Variants in NLK observed in about 807,000 individuals in gnomAD.
The protein encoded by NLK is nemo like kinase, also known as serine/threonine-protein kinase NLK.
A neutral mutation model predicts 59.0 loss-of-function variants in NLK; 11 were observed. The observed-to-expected ratio is 0.19, with a 90% CI of 0.12 to 0.31. The LOEUF is 0.31. Among genes scored for constraint, NLK ranks in the 10% least tolerant of loss-of-function variants. The pLI is 1.00. For missense variants in NLK, 410 were observed against 661.1 expected, an observed-to-expected ratio of 0.62 and a Z score of 4.16; for synonymous variants, 235 against 235.9, an observed-to-expected ratio of 1.00 and a Z score of 0.03.
At chr17:28,119,717 A>C (rs1357523408) in intron 1 of NLK, among the ~76,000 whole-genome samples, 2 of 152,248 alleles carry the variant, frequency 1.3e-5, no homozygotes, top group Non-Finnish European at 2.9e-5. Flanking sequence ...ATATTTACAC[A>C]GTTACAAAGG....
chr17:28,170,321 C>A (rs956364361), intron 6 of NLK, among the ~76,000 whole-genome samples: 1 of 152,220 alleles, frequency 6.6e-6, no homozygotes, highest in Non-Finnish European at 1.5e-5. Context: ...TGATTGATGA[C>A]ATTTTAAAAG....
intron 2 of NLK, among the ~76,000 whole-genome samples, chr17:28,127,074 G>C (rs1385776210): frequency 6.6e-6 from 1 of 152,124 alleles, no homozygotes; most frequent in Non-Finnish European, 1.5e-5. Flanking sequence ...CCTGCCAAGA[G>C]CCCCTGTAAC....
intron 9 of NLK, 22 bp from the exon 10 acceptor site, chr17:28,192,098 A>G: frequency 1.4e-6 from 2 of 1,455,342 alleles, no homozygotes; most frequent in Non-Finnish European, 9.6e-7. Context: ...CATGGATTGT[A>G]TGATGTTTGT....
intron 3 of NLK, among the ~76,000 whole-genome samples, chr17:28,150,407 A>G (rs951657691): frequency 6.6e-6 from 1 of 152,168 alleles, no homozygotes; most frequent in East Asian, 1.9e-4. Context: ...TGGAGAGAGC[A>G]CTAGACTAGG....
At chr17:28,171,297 C>T (rs914424900) in intron 6 of NLK, 13 of 152,174 alleles carry the variant, frequency 8.5e-5, no homozygotes, top group African/African-American at 3.1e-4. Context: ...GAAAATAGTG[C>T]TTTATATTCG....
rs1164362173 is a variant in NLK at position 28,174,606 on chromosome 17, AC to A, written c.1149+1989del. ...AGGCAGATGTTCATGGTCTTTTAGC[AC>A]TAATCCAGCTAGATGTGTATAAAGT... is the stretch of plus-strand genomic sequence containing the variant. On this transcript the variant is annotated intron_variant, in intron 7 of 10. Coordinates refer to ENST00000407008, the MANE Select transcript of NLK (RefSeq NM_016231.5). Among the ~76,000 whole-genome samples, 3 of 152,314 alleles carry A rather than the reference AC, an allele frequency of 2.0e-5. No homozygotes were observed. The East Asian group carries it at 5.8e-4, about 29-fold the overall frequency.
At chr17:28,196,830 G>A (rs1166631926), downstream of NLK, among the ~76,000 whole-genome samples, 1 of 152,150 alleles carries the variant, frequency 6.6e-6, no homozygotes, top group African/African-American at 2.4e-5. Context: ...CAGCCCAGTG[G>A]TGGTGTAATC....
Position 28,195,761 on chromosome 17 carries a change from G to A in NLK, c.*1125G>A, listed in dbSNP as rs1452424717. ...TACAAATCGAAGGCCTCTACCTCCT[G>A]GAGTTATACAACTTGGCTTGTTTAC... On this transcript the variant is annotated 3_prime_UTR_variant, in exon 11 of 11. Coordinates refer to ENST00000407008, the MANE Select transcript of NLK (RefSeq NM_016231.5). The A allele has an allele frequency of 6.6e-6, 1 of 152,118 alleles. No homozygotes were observed. The highest frequency in any genetic ancestry group is 1.5e-5 in the Non-Finnish European group (1 of 67,970). 9.4% of individuals were successfully genotyped at this position (152,118 alleles called of 1,614,324 possible). A position where few individuals can be genotyped will look rare whatever the true frequency, so the allele number is the denominator to read the frequency against.
chr17:28,076,486 C>G (rs376091286), intron 1 of NLK, among the ~76,000 whole-genome samples: 46 of 152,274 alleles, frequency 3.0e-4, no homozygotes, highest in African/African-American at 1.1e-3. Flanking sequence ...CTTCCTAATA[C>G]CATCATATTG....
chr17:28,070,505 C>A (rs1909972584), intron 1 of NLK, among the ~76,000 whole-genome samples: 1 of 151,342 alleles, frequency 6.6e-6, no homozygotes, highest in Admixed American at 6.6e-5. Flanking sequence ...AGGCACACAC[C>A]ACCATGCCCA....
chr17:28,172,525 G>A lies in NLK; in HGVS notation c.1056G>A (p.Leu352=). 1 of 1,574,360 alleles carries A rather than the reference G, an allele frequency of 6.4e-7. No individual in the cohort carries two copies. Among genetic ancestry groups the A allele is most frequent in the Non-Finnish European group, 8.6e-7 (1 of 1,161,616 alleles). The change falls in exon 7 of 11, where the codon TTG becomes TTA. Residue 352 remains leucine (L), a synonymous_variant. Coordinates refer to ENST00000407008, the MANE Select transcript of NLK (RefSeq NM_016231.5). The part of the protein sequence containing the change: ...QAQSPIQQLD[L]ITDLLGTPSL... The stretch of plus-strand genomic sequence containing the variant: ...ATTTTATTTCCTTGTAGTTGGATTT[G>A]ATCACGGATCTGTTGGGCACACCAT...
chr17:28,057,147 G>T (rs1909471635), intron 1 of NLK, among the ~76,000 whole-genome samples: 1 of 151,802 alleles, frequency 6.6e-6, no homozygotes, highest in Non-Finnish European at 1.5e-5. Context: ...TAGAGAGGGG[G>T]TTTCTCCATG....
At position 28,194,566 on chromosome 17, in the gene NLK, C is replaced by A; in HGVS notation, c.1530-16C>A. The A allele has an allele frequency of 6.4e-7, 1 of 1,573,350 alleles. No homozygotes were observed. The highest frequency in any genetic ancestry group is 1.2e-5 in the South Asian group (1 of 86,570). ...GTGACATTACAACTAATTTCTCCAT[C>A]TCTGTTTTCTTCCAGTTCCACTGTT... On this transcript the variant is annotated splice_polypyrimidine_tract_variant and intron_variant, in intron 10 of 10. Coordinates refer to ENST00000407008, the MANE Select transcript of NLK (RefSeq NM_016231.5).
chr17:28,174,652 T>G (rs931924639), intron 7 of NLK, among the ~76,000 whole-genome samples: 2 of 152,230 alleles, frequency 1.3e-5, no homozygotes, highest in Non-Finnish European at 2.9e-5. Flanking sequence ...AATACATAAT[T>G]GAATGTAAAT....
At chr17:28,082,803 A>G (rs1344303929) in intron 1 of NLK, among the ~76,000 whole-genome samples, 1 of 152,218 alleles carries the variant, frequency 6.6e-6, no homozygotes, top group Non-Finnish European at 1.5e-5. Flanking sequence ...TGTAATGTCT[A>G]CGTAATATAA....
chr17:28,140,881 T>C (rs1906961951), intron 3 of NLK, among the ~76,000 whole-genome samples: 1 of 152,192 alleles, frequency 6.6e-6, no homozygotes, highest in Non-Finnish European at 1.5e-5. Context: ...CCTTCCTGTA[T>C]CAATTCGTGT....
intron 1 of NLK, among the ~76,000 whole-genome samples, chr17:28,051,519 C>T (rs1355417685): frequency 2.0e-5 from 3 of 151,838 alleles, no homozygotes; most frequent in Admixed American, 1.3e-4. Flanking sequence ...GCACCACACC[C>T]GCCTAATTTT....
At chr17:28,126,188 C>G (rs894403713) in intron 2 of NLK, among the ~76,000 whole-genome samples, 1 of 152,148 alleles carries the variant, frequency 6.6e-6, no homozygotes, top group Non-Finnish European at 1.5e-5. Context: ...AAACATTAAG[C>G]CAGGACAGCT....
At position 28,042,827 on chromosome 17, in the gene NLK, G is replaced by A. The variant is rs769274154; in HGVS notation, c.-47G>A. 10 of 1,432,208 alleles carry A rather than the reference G, an allele frequency of 7.0e-6. No homozygotes were observed. Among genetic ancestry groups the A allele is most frequent in the East Asian group, 5.0e-5 (2 of 39,620 alleles). 88.7% of individuals were successfully genotyped at this position (1,432,208 alleles called of 1,614,324 possible). ...TTTCTTCATTTTTAAATGGCCAAAT[G>A]ACAGCTTGACCCAGTTTGCTTTCCA... is the stretch of plus-strand genomic sequence containing the variant. On this transcript the variant is annotated 5_prime_UTR_variant, in exon 1 of 11. The change abolishes an upstream ATG in the 5' untranslated region. Transcript: ENST00000407008.
Sources: allele counts gnomAD v4.1 joint callset (sites outside exome capture counted in the v4.1 genomes callset), GRCh38; gene constraint gnomAD v4.1.1; transcripts MANE v1.5; gene names NCBI Gene and HGNC (gene_info 2026-07-23, HGNC 2026-07-21).